UGGT2: variants seen among roughly 807,000 people sequenced by gnomAD.
UGGT2 encodes UDP-glucose glycoprotein glucosyltransferase 2.
Under a neutral mutation model 192.1 loss-of-function variants are expected in UGGT2, and 180 were observed. That is an observed-to-expected ratio of 0.94 (90% confidence interval 0.83 to 1.06). The LOEUF is 1.06. Among genes scored for constraint, UGGT2 ranks in the 50% least tolerant of loss-of-function variants. UGGT2 has a pLI of 0.00. For missense variants in UGGT2, 1,849 were observed against 1,795.7 expected, an observed-to-expected ratio of 1.03 and a Z score of -0.54; for synonymous variants, 580 against 591.0, an observed-to-expected ratio of 0.98 and a Z score of 0.27.
chr13:95,943,955 T>G lies in UGGT2; in HGVS notation c.1677+3082A>C, dbSNP rs535301256. Reference sequence around the variant, plus strand: ...ATAGTTCGCTAAACATTTTGTTTCTTTATGAGTTTTTTAATCATAAAAAAG... The same window carrying G: ...ATAGTTCGCTAAACATTTTGTTTCTGTATGAGTTTTTTAATCATAAAAAAG... On this transcript the variant is annotated intron_variant, in intron 15 of 38. Coordinates refer to ENST00000376747, the MANE Select transcript of UGGT2 (RefSeq NM_020121.4). Among the ~76,000 whole-genome samples the G allele has an allele frequency of 5.9e-5, 9 of 152,172 alleles. No homozygotes were observed. In the East Asian group the frequency reaches 1.3e-3, roughly 23 times the overall value.
intron 4 of UGGT2, among the ~76,000 whole-genome samples, chr13:96,016,128 T>C (rs72636598): frequency 0.018 from 2,800 of 152,314 alleles, 51 homozygotes; most frequent in Non-Finnish European, 0.03. Flanking sequence ...TCTAACAACA[T>C]ATGTTCAGAT....
chr13:95,828,451 A>C (rs1886282723), intron 38 of UGGT2, among the ~76,000 whole-genome samples: 1 of 152,176 alleles, frequency 6.6e-6, no homozygotes, highest in Non-Finnish European at 1.5e-5. Context: ...GGAGAGAAGA[A>C]TCAAATAGAT....
intron 38 of UGGT2, among the ~76,000 whole-genome samples, chr13:95,826,542 G>A (rs969285672): frequency 1.3e-5 from 2 of 151,998 alleles, no homozygotes; most frequent in African/African-American, 4.8e-5. Flanking sequence ...AAAGATCCAT[G>A]TATAGAAAGT....
chr13:95,843,673 T>G (rs1392327621), intron 36 of UGGT2, among the ~76,000 whole-genome samples: 1 of 152,098 alleles, frequency 6.6e-6, no homozygotes, highest in Non-Finnish European at 1.5e-5. Context: ...TTTTGGGGTT[T>G]TTTTTTGGCA....
Position 95,856,073 on chromosome 13 carries a change from T to C in UGGT2, c.4008+85A>G, listed in dbSNP as rs964945656. 19 of 1,110,846 alleles carry C rather than the reference T, an allele frequency of 1.7e-5. No homozygotes were observed. In the African/African-American group the frequency reaches 3.0e-4, roughly 18 times the overall value. 68.8% of individuals were successfully genotyped at this position (1,110,846 alleles called of 1,614,324 possible). On this transcript the variant is annotated intron_variant, in intron 34 of 38. Coordinates refer to ENST00000376747, the MANE Select transcript of UGGT2 (RefSeq NM_020121.4). ...AGCACCGTAATGAAGATAATAAACA[T>C]GAGCAACATGAATTAATCTCTATAT...
chr13:95,899,994 T>G, intron 22 of UGGT2, among the ~76,000 whole-genome samples: 1 of 152,132 alleles, frequency 6.6e-6, no homozygotes, highest in Admixed American at 6.6e-5. Context: ...CACAGATACG[T>G]GAAAAACACT....
chr13:95,867,327 G>GC lies in UGGT2; in HGVS notation c.3558+11dup, dbSNP rs762371761. 35 of 1,591,250 alleles carry GC rather than the reference G, an allele frequency of 2.2e-5. No individual in the cohort carries two copies. The highest frequency in any genetic ancestry group is 2.7e-5 in the Non-Finnish European group (31 of 1,169,436). ...AAGAACAAAGCCTATAAAAAGTTCT[G>GC]CCCCCACATACTTTTACTTTGAGTA... On this transcript the variant is annotated intron_variant, in intron 30 of 38. Transcript: ENST00000376747.
chr13:95,822,693 TTC>T (rs753345199), intron 38 of UGGT2, among the ~76,000 whole-genome samples: 31 of 152,264 alleles, frequency 2.0e-4, no homozygotes, highest in Non-Finnish European at 4.0e-4. Context: ...TATTTGGATT[TTC>T]TCTCTTTTTG....
intron 14 of UGGT2, among the ~76,000 whole-genome samples, chr13:95,947,454 A>AT (rs67261345): frequency 0.74 from 107,867 of 145,624 alleles, 40,655 homozygotes; most frequent in Non-Finnish European, 0.8. Context: ...TACTCTTTTT[A>AT]TTTTTATTTT....
chr13:95,880,349 A>G (rs1182525398), intron 27 of UGGT2, among the ~76,000 whole-genome samples: 2 of 152,016 alleles, frequency 1.3e-5, no homozygotes, highest in Non-Finnish European at 2.9e-5. Context: ...TGTAATCTAA[A>G]CTCTGACAAG....
intron 15 of UGGT2, among the ~76,000 whole-genome samples, chr13:95,944,334 C>T (rs185900785): frequency 2.6e-5 from 4 of 152,122 alleles, no homozygotes; most frequent in African/African-American, 9.6e-5. Context: ...TTTCTTCAAA[C>T]ATTTGAATAT....
rs1301836347 is a variant in UGGT2, at chr13:95,846,684, T to C, written c.4284+6859A>G. ...TTCTTTAAAGTTTGATAGAATTCAC[T>C]ACTGAAGCTATCTGGGCCTGGGGAT... On this transcript the variant is annotated intron_variant, in intron 36 of 38. Transcript: ENST00000376747. Among the ~76,000 whole-genome samples the C allele has an allele frequency of 3.3e-5, 5 of 152,332 alleles. No homozygotes were observed. The South Asian group carries it at 1.0e-3, about 32-fold the overall frequency.
intron 36 of UGGT2, among the ~76,000 whole-genome samples, chr13:95,839,750 T>C (rs937931444): frequency 3.9e-5 from 6 of 152,204 alleles, no homozygotes; most frequent in Admixed American, 6.6e-5. Context: ...ACATTCCAAA[T>C]AGGAGCGTAT....
At chr13:95,977,025 C>T (rs1044989372) in intron 10 of UGGT2, among the ~76,000 whole-genome samples, 2 of 152,164 alleles carry the variant, frequency 1.3e-5, no homozygotes, top group Admixed American at 6.6e-5. Flanking sequence ...GGACCCCTTC[C>T]TTACACCTTA....
intron 31 of UGGT2, among the ~76,000 whole-genome samples, chr13:95,861,951 G>C (rs148380078): frequency 6.6e-6 from 1 of 152,232 alleles, no homozygotes; most frequent in Admixed American, 6.5e-5. Flanking sequence ...TTTGTTTTTG[G>C]TATCCTTTTA....
chr13:96,043,809 G>A (rs548960874), intron 1 of UGGT2, among the ~76,000 whole-genome samples: 3 of 152,120 alleles, frequency 2.0e-5, no homozygotes, highest in African/African-American at 4.8e-5. Flanking sequence ...TGTCCAACAC[G>A]GAAATATTAC....
At chr13:95,802,926 T>G (rs1307568501) in intron 38 of UGGT2, among the ~76,000 whole-genome samples, 1 of 151,822 alleles carries the variant, frequency 6.6e-6, no homozygotes, top group Non-Finnish European at 1.5e-5. Context: ...CTCCGCCTCC[T>G]GGGTTCACAC....
chr13:96,020,131 G>A (rs772947864), intron 4 of UGGT2, among the ~76,000 whole-genome samples: 2 of 152,186 alleles, frequency 1.3e-5, no homozygotes, highest in South Asian at 4.1e-4. Context: ...CATTTGAGCA[G>A]GGAGGCTTAT....
intron 12 of UGGT2, among the ~76,000 whole-genome samples, chr13:95,960,796 G>A (rs1401129419): frequency 6.6e-6 from 1 of 152,150 alleles, no homozygotes; most frequent in Non-Finnish European, 1.5e-5. Context: ...AACAGCAAGT[G>A]AAAAGCATCT....
Sources: gnomAD v4.1 joint callset for allele counts (sites outside exome capture counted in the v4.1 genomes callset) on GRCh38, gnomAD v4.1.1 for gene constraint, MANE v1.5 for transcripts, NCBI Gene and HGNC (gene_info 2026-07-23, HGNC 2026-07-21) for gene names.